Variants in DNAH8 observed in about 807,000 individuals in gnomAD.
DNAH8 encodes axonemal beta dynein heavy chain 8.
Under a neutral mutation model 562.1 loss-of-function variants are expected in DNAH8, and 382 were observed. The ratio of observed to expected loss-of-function variants is 0.68; its 90% CI spans 0.63 to 0.74. The LOEUF is 0.74. Among genes scored for constraint, DNAH8 ranks in the 30% least tolerant of loss-of-function variants. The pLI is 0.00. For missense variants in DNAH8, 5,203 were observed against 5,620.4 expected, an observed-to-expected ratio of 0.93 and a Z score of 2.37; for synonymous variants, 1,881 against 1,919.4, an observed-to-expected ratio of 0.98 and a Z score of 0.52.
intron 57 of DNAH8, among the ~76,000 whole-genome samples, chr6:38,890,218 T>C (rs200061980): frequency 1.1e-3 from 160 of 152,260 alleles, no homozygotes; most frequent in African/African-American, 3.8e-3. Context: ...TGTCTGGGCC[T>C]GGTCTCCTTC....
chr6:38,967,210 A>C (rs1197194156), intron 82 of DNAH8, among the ~76,000 whole-genome samples: 1 of 152,178 alleles, frequency 6.6e-6, no homozygotes, highest in Non-Finnish European at 1.5e-5. Context: ...GCCTTCTCCC[A>C]AAGATCAGGA....
At chr6:39,002,075 G>C (rs1242851095) in intron 88 of DNAH8, among the ~76,000 whole-genome samples, 1 of 152,154 alleles carries the variant, frequency 6.6e-6, no homozygotes, top group Non-Finnish European at 1.5e-5. Flanking sequence ...AGAGGGATAA[G>C]GGAGAACTAA....
chr6:38,774,171 C>T (rs985557394), intron 12 of DNAH8, among the ~76,000 whole-genome samples: 1 of 152,030 alleles, frequency 6.6e-6, no homozygotes, highest in African/African-American at 2.4e-5. Context: ...TGGTGTTTCC[C>T]AGAGCTCTAT....
chr6:38,763,055 GT>G (rs143684259), intron 11 of DNAH8: 5,683 of 387,528 alleles, frequency 0.015, 246 homozygotes, highest in African/African-American at 0.098. Flanking sequence ...TAAAGTAGTG[GT>G]TTTAAAACAT....
At chr6:38,971,088 A>G (rs979466577) in intron 82 of DNAH8, among the ~76,000 whole-genome samples, 1 of 152,232 alleles carries the variant, frequency 6.6e-6, no homozygotes, top group Non-Finnish European at 1.5e-5. Context: ...CAGAAAAATG[A>G]TCAAACATAC....
At chr6:38,844,103 T>A (rs1235321885) in intron 35 of DNAH8, among the ~76,000 whole-genome samples, 1 of 152,152 alleles carries the variant, frequency 6.6e-6, no homozygotes, top group East Asian at 1.9e-4. Context: ...GGCAGTGTTT[T>A]CAGCCTCCTT....
At chr6:38,919,869 G>T (rs990814671) in intron 70 of DNAH8, among the ~76,000 whole-genome samples, 3 of 152,052 alleles carry the variant, frequency 2.0e-5, no homozygotes, top group African/African-American at 7.2e-5. Context: ...AAGAGTTAAA[G>T]TATATACTCA....
chr6:38,941,374 A>G (rs1284749603), intron 79 of DNAH8, among the ~76,000 whole-genome samples: 1 of 152,204 alleles, frequency 6.6e-6, no homozygotes, highest in Non-Finnish European at 1.5e-5. Context: ...TTCAGGTTAG[A>G]TTACCACTGT....
At chr6:38,890,036 G>A (rs778420809) in intron 57 of DNAH8, among the ~76,000 whole-genome samples, 6 of 152,164 alleles carry the variant, frequency 3.9e-5, no homozygotes, top group Non-Finnish European at 8.8e-5. Flanking sequence ...CTACACCCCA[G>A]TCTTTCTGAG....
intron 26 of DNAH8, among the ~76,000 whole-genome samples, chr6:38,820,688 G>C (rs1296827123): frequency 6.6e-6 from 1 of 151,976 alleles, no homozygotes; most frequent in Non-Finnish European, 1.5e-5. Flanking sequence ...GACCAAATGA[G>C]GTTTATCCCA....
rs1022634261 is a variant in DNAH8, at chr6:38,839,366, G to A, written c.4466+1324G>A. Among the ~76,000 whole-genome samples, 6 of 131,634 alleles carry A rather than the reference G, an allele frequency of 4.6e-5. 1 individual carries two copies. The highest frequency in any genetic ancestry group is 7.3e-3 in the Middle Eastern group (2 of 274). The allele number at this position is 131,634 out of a possible 152,430, so 86.4% of individuals were successfully genotyped here. A position where few individuals can be genotyped will look rare whatever the true frequency, so the allele number is the denominator to read the frequency against. On this transcript the variant is annotated intron_variant, in intron 33 of 92. Transcript: ENST00000327475. The stretch of plus-strand genomic sequence containing the variant: ...TGAGAAGCTTTGAAGTTTTTTTTTT[G>A]TTTGTTTTGTTTTTTTTTTGAGACA...
intron 3 of DNAH8, among the ~76,000 whole-genome samples, chr6:38,726,829 G>A (rs929794070): frequency 5.3e-5 from 8 of 150,198 alleles, no homozygotes; most frequent in Admixed American, 3.3e-4. Context: ...GAAATTGGGG[G>A]TATATGGAAA....
chr6:38,723,371 T>C lies in DNAH8; in HGVS notation c.425T>C (p.Leu142Pro). 1 of 1,611,552 alleles carries C rather than the reference T, an allele frequency of 6.2e-7. No homozygotes were observed. The highest frequency in any genetic ancestry group is 8.5e-7 in the Non-Finnish European group (1 of 1,179,614). ...AGAGAGGCAAGGGAAAGCCGAAGAC[T>C]GAAAATTGACCCTTCATACAAATAT... is the stretch of plus-strand genomic sequence containing the variant. ...RFREARESRR[L>P]KIDPSYKYIF... The change falls in exon 3 of 93, where the codon CTG becomes CCG. Residue 142 changes from leucine to proline, a missense_variant. Around this residue, in one of 6 missense-constraint regions of DNAH8, gnomAD observed 556 missense variants for 496.9 expected, o/e 1.12. Transcript: ENST00000327475.
At chr6:38,783,681 T>A (rs989272071) in intron 17 of DNAH8, among the ~76,000 whole-genome samples, 4 of 152,184 alleles carry the variant, frequency 2.6e-5, no homozygotes, top group African/African-American at 9.6e-5. Context: ...TGGGCGGAGT[T>A]AAATGTGAGA....
At chr6:38,752,610 TCCCAGAGGCAGGGAGAAGGAAAGAGGTTA>T (rs146834833) in intron 9 of DNAH8, among the ~76,000 whole-genome samples, 22,071 of 152,178 alleles carry the variant, frequency 0.15, 1,752 homozygotes, top group Admixed American at 0.21. Context: ...GTAGGTTTCA[TCCCAGAGGCAGGGAGAAGGAAAGAGGTTA>T]TGGCCTATAT....
Position 38,915,241 on chromosome 6 carries a change from A to C in DNAH8, c.10004A>C (p.Lys3335Thr), listed in dbSNP as rs1781217156. Residue 3335 changes from lysine (K) to threonine (T), a missense_variant, in exon 68 of 93, where the codon AAA becomes ACA. Coordinates refer to ENST00000327475, the MANE Select transcript of DNAH8 (RefSeq NM_001206927.2). Reference sequence around the variant, plus strand: ...ACAGTAAGCGCTCAGGCTTCAGCCAAAATTAAAAATGAAGTACAGGAGGTA... The same window carrying C: ...ACAGTAAGCGCTCAGGCTTCAGCCACAATTAAAAATGAAGTACAGGAGGTA... Reference protein sequence around the residue: ...EVTVSAQASAKIKNEVQEVKD... With the variant: ...EVTVSAQASATIKNEVQEVKD... 1 of 1,608,874 alleles carries C rather than the reference A, an allele frequency of 6.2e-7. No individual in the cohort carries two copies. Among genetic ancestry groups the C allele is most frequent in the Non-Finnish European group, 8.5e-7 (1 of 1,178,296 alleles).
rs9357280 is a variant in DNAH8, at chr6:38,755,799, G to A, written c.1408-173G>A. ...GTTTGTTTGTCAAAACTAATGTCCT[G>A]TTATCTGTTCCAGGGTCTAGTCTAG... is the stretch of plus-strand genomic sequence containing the variant. On this transcript the variant is annotated intron_variant, in intron 9 of 92. Transcript: ENST00000327475. 0.12 allele frequency among the ~76,000 whole-genome samples: 17,548 copies of A among 152,114 alleles called. 1,793 individuals carry two copies. Among genetic ancestry groups the A allele is most frequent in the East Asian group, 0.44 (2,290 of 5,176 alleles).
intron 61 of DNAH8, among the ~76,000 whole-genome samples, chr6:38,899,551 G>A (rs550549458): frequency 6.6e-6 from 1 of 152,346 alleles, no homozygotes; most frequent in African/African-American, 2.4e-5. Flanking sequence ...AGTAAATCCA[G>A]TTTGTTCTGT....
At chr6:38,960,798 C>G (rs1762557806) in intron 82 of DNAH8, among the ~76,000 whole-genome samples, 1 of 151,874 alleles carries the variant, frequency 6.6e-6, no homozygotes, top group Admixed American at 6.6e-5. Flanking sequence ...ATTAAGAAAA[C>G]TTTGAAAGGA....
Sources: gnomAD v4.1 joint callset for allele counts (sites outside exome capture counted in the v4.1 genomes callset) on GRCh38, gnomAD v4.1.1 for gene constraint, gnomAD v4.1.1 regional missense constraint, MANE v1.5 for transcripts, NCBI Gene and HGNC (gene_info 2026-07-23, HGNC 2026-07-21) for gene names.